LRRTM4: variants seen among roughly 807,000 people sequenced by gnomAD.
LRRTM4 encodes leucine rich repeat transmembrane neuronal 4.
Under a neutral mutation model 47.6 loss-of-function variants are expected in LRRTM4, and 25 were observed. The observed-to-expected ratio is 0.53, with a 90% CI of 0.38 to 0.73. The LOEUF is 0.73. Ranked by LOEUF, LRRTM4 falls within the 30% of genes least tolerant of loss-of-function variation. LRRTM4 has a pLI of 0.00. For missense variants in LRRTM4, 638 were observed against 713.4 expected (o/e 0.89, Z 1.20); for synonymous variants, 311 against 269.5 (o/e 1.15, Z -1.51).
chr2:77,402,827 A>G (rs73941280), intron 3 of LRRTM4, among the ~76,000 whole-genome samples: 32 of 151,884 alleles, frequency 2.1e-4, no homozygotes, highest in African/African-American at 7.7e-4. Context: ...TTTTCAATTT[A>G]CATCCCGAAA....
intron 3 of LRRTM4, among the ~76,000 whole-genome samples, chr2:77,212,179 A>G (rs190760187): frequency 1.3e-5 from 2 of 152,120 alleles, no homozygotes; most frequent in Admixed American, 1.3e-4. Flanking sequence ...TAGGTTTCGA[A>G]TATTTAGAAA....
chr2:77,199,586 A>G (rs535087771), intron 3 of LRRTM4, among the ~76,000 whole-genome samples: 1 of 152,258 alleles, frequency 6.6e-6, no homozygotes, highest in South Asian at 2.1e-4. Context: ...TTTCCATTCC[A>G]GTAGTCTATG....
chr2:77,255,547 C>A (rs77624603), intron 3 of LRRTM4, among the ~76,000 whole-genome samples: 5,058 of 152,010 alleles, frequency 0.033, 146 homozygotes, highest in African/African-American at 0.075. Context: ...AATATTGAAA[C>A]ACATTGAAAT....
intron 3 of LRRTM4, among the ~76,000 whole-genome samples, chr2:77,231,811 A>T: frequency 6.6e-6 from 1 of 152,202 alleles, no homozygotes; most frequent in Non-Finnish European, 1.5e-5. Flanking sequence ...AGTATTATGT[A>T]AACACATGAC....
intron 3 of LRRTM4, among the ~76,000 whole-genome samples, chr2:76,819,063 C>T (rs895559423): frequency 1.3e-5 from 2 of 151,664 alleles, no homozygotes; most frequent in African/African-American, 2.4e-5. Flanking sequence ...AAGTAATATT[C>T]CGTGTCTAAA....
chr2:77,507,077 T>A (rs868722635), intron 3 of LRRTM4, among the ~76,000 whole-genome samples: 7 of 152,042 alleles, frequency 4.6e-5, no homozygotes, highest in Middle Eastern at 3.2e-3. Context: ...ATTATTTTTA[T>A]AAATAACTTT....
rs78987486 is a variant in LRRTM4, at chr2:77,275,069, G to A, written c.1551+243249C>T. ...AAAGTTTAACTCTTAAAAAAAAGAGGGAAGAGACATAAGAGAAAAAATGGT... is the reference window on the plus strand; with the variant it reads ...AAAGTTTAACTCTTAAAAAAAAGAGAGAAGAGACATAAGAGAAAAAATGGT... On this transcript the variant is annotated intron_variant, in intron 3 of 3. Transcript: ENST00000409884. Among the ~76,000 whole-genome samples, 1,302 of 152,028 alleles carry A rather than the reference G, an allele frequency of 8.6e-3. 14 individuals carry two copies. The highest frequency in any genetic ancestry group is 0.029 in the African/African-American group (1,217 of 41,462).
At chr2:77,247,307 G>A (rs1246662183) in intron 3 of LRRTM4, among the ~76,000 whole-genome samples, 1 of 152,120 alleles carries the variant, frequency 6.6e-6, no homozygotes, top group East Asian at 1.9e-4. Flanking sequence ...AATGTATAGA[G>A]TTGAGTACCT....
chr2:76,875,566 T>G (rs111775301), intron 3 of LRRTM4, among the ~76,000 whole-genome samples: 270 of 152,236 alleles, frequency 1.8e-3, no homozygotes, highest in African/African-American at 6.4e-3. Flanking sequence ...ATTTTGCCAT[T>G]GCAGAGAGTG....
At chr2:77,518,088 C>T in intron 3 of LRRTM4, 2 of 1,264,784 alleles carry the variant, frequency 1.6e-6, no homozygotes, top group Non-Finnish European at 2.0e-6. Context: ...TGCTTTATTC[C>T]AACTTATCCT....
rs531880995 is a variant in LRRTM4 at position 76,806,743 on chromosome 2, T to G, written c.1552-57827A>C. On this transcript the variant is annotated intron_variant, in intron 3 of 3. Transcript: ENST00000409884. ...ACATTTTAGAATGGTGATAAGATAT[T>G]GTAAAAATTCAAAAGAAAATGACAG... 1.2e-3 allele frequency among the ~76,000 whole-genome samples: 176 copies of G among 152,224 alleles called. 2 individuals are homozygous for G. Among genetic ancestry groups the G allele is most frequent in the Middle Eastern group, 0.01 (3 of 294 alleles).
intron 3 of LRRTM4, among the ~76,000 whole-genome samples, chr2:76,807,332 G>A (rs1025431736): frequency 6.7e-6 from 1 of 148,406 alleles, no homozygotes; most frequent in African/African-American, 2.5e-5. Context: ...TGAAGAAACA[G>A]ATAGTTGTAA....
chr2:77,440,283 G>A (rs1451551181), intron 3 of LRRTM4, among the ~76,000 whole-genome samples: 1 of 152,024 alleles, frequency 6.6e-6, no homozygotes, highest in East Asian at 1.9e-4. Flanking sequence ...GCGTGGTGGC[G>A]GGCGCCTGTA....
Position 77,407,797 on chromosome 2 carries a change from C to T in LRRTM4, c.1551+110521G>A, listed in dbSNP as rs868824993. Among the ~76,000 whole-genome samples the T allele has an allele frequency of 2.3e-3, 336 of 148,090 alleles. 1 individual carries two copies. The highest frequency in any genetic ancestry group is 8.1e-3 in the African/African-American group (327 of 40,422). ...ATTTGAAAGACTTCAAGGAGCTCCACCTACCAGTCTCAGGGCTATGTCAAT... is the reference window on the plus strand; with the variant it reads ...ATTTGAAAGACTTCAAGGAGCTCCATCTACCAGTCTCAGGGCTATGTCAAT... On this transcript the variant is annotated intron_variant, in intron 3 of 3. Transcript: ENST00000409884.
At chr2:77,006,173 A>T (rs745323220) in intron 3 of LRRTM4, among the ~76,000 whole-genome samples, 65 of 152,192 alleles carry the variant, frequency 4.3e-4, no homozygotes, top group Admixed American at 9.2e-4. Context: ...TTTTAAACAA[A>T]GGACATTCGT....
At chr2:76,770,886 C>T (rs979709940) in intron 3 of LRRTM4, among the ~76,000 whole-genome samples, 1 of 152,142 alleles carries the variant, frequency 6.6e-6, no homozygotes, top group South Asian at 2.1e-4. Context: ...TCACACTGTG[C>T]TACATGTTCC....
intron 3 of LRRTM4, among the ~76,000 whole-genome samples, chr2:77,423,040 T>C (rs1489107176): frequency 6.6e-6 from 1 of 152,118 alleles, no homozygotes; most frequent in Non-Finnish European, 1.5e-5. Flanking sequence ...GGAATTTTAA[T>C]CATATTGTGT....
At chr2:77,432,192 G>T (rs1230130439) in intron 3 of LRRTM4, among the ~76,000 whole-genome samples, 1 of 152,168 alleles carries the variant, frequency 6.6e-6, no homozygotes, top group East Asian at 1.9e-4. Context: ...TCAACTTCTT[G>T]CTTTCAGGAT....
At chr2:77,375,015 C>T (rs536270012) in intron 3 of LRRTM4, among the ~76,000 whole-genome samples, 1 of 151,684 alleles carries the variant, frequency 6.6e-6, no homozygotes, top group South Asian at 2.1e-4. Flanking sequence ...ATATTTCCTA[C>T]TTTTTTCTGA....
Sources: allele counts gnomAD v4.1 joint callset (sites outside exome capture counted in the v4.1 genomes callset), GRCh38; gene constraint gnomAD v4.1.1; transcripts MANE v1.5; gene names NCBI Gene and HGNC (gene_info 2026-07-23, HGNC 2026-07-21).